Variants in YTHDF2 observed in about 807,000 individuals in gnomAD.
The protein encoded by YTHDF2 is YTH domain-containing family protein 2.
Under a neutral mutation model 50.4 loss-of-function variants are expected in YTHDF2, and 2 were observed. That is an observed-to-expected ratio of 0.04 (90% CI 0.02 to 0.12). The LOEUF (loss-of-function observed/expected upper bound fraction) is 0.12. YTHDF2 is among the 10% of genes least tolerant of loss of function. YTHDF2 has a pLI of 1.00. For synonymous variants in YTHDF2, 217 were observed against 255.6 expected (o/e 0.85, Z 1.44); for missense variants, 483 against 722.6 (o/e 0.67, Z 3.80).
chr1:28,754,536 A>T (rs2088007881), intron 4 of YTHDF2, among the ~76,000 whole-genome samples: 1 of 150,988 alleles, frequency 6.6e-6, no homozygotes. Context: ...TCTCAAAAAA[A>T]AAATTGGCCG....
At chr1:28,741,818 C>T in intron 3 of YTHDF2, among the ~76,000 whole-genome samples, 1 of 152,110 alleles carries the variant, frequency 6.6e-6, no homozygotes, top group East Asian at 1.9e-4. Context: ...TTTATTATCA[C>T]CTGGTTTGTA....
intron 4 of YTHDF2, among the ~76,000 whole-genome samples, chr1:28,748,261 A>G (rs1328373363): frequency 5.9e-5 from 9 of 152,174 alleles, no homozygotes; most frequent in Non-Finnish European, 1.5e-5. Flanking sequence ...ACATCTTTAC[A>G]TAACTGATTG....
Position 28,742,461 on chromosome 1 carries a change from T to C in YTHDF2, c.191T>C (p.Ile64Thr), listed in dbSNP as rs944926320. ...TTACCCAGTTACTACAGTCCCTCCA[T>C]TGGCTTCTCCTATTCTTTGGGTGAA... ...SYLPSYYSPS[I>T]GFSYSLGEAA... Residue 64 changes from isoleucine (I) to threonine (T), a missense_variant, in exon 4 of 5, where the codon ATT becomes ACT. Transcript: ENST00000373812. 1.9e-6 allele frequency: 3 copies of C among 1,611,346 alleles called. No homozygotes were observed. The highest frequency in any genetic ancestry group is 2.5e-6 in the Non-Finnish European group (3 of 1,178,880).
At chr1:28,756,167 C>T (rs547969437) in intron 4 of YTHDF2, among the ~76,000 whole-genome samples, 1 of 152,236 alleles carries the variant, frequency 6.6e-6, no homozygotes, top group East Asian at 1.9e-4. Flanking sequence ...TTATAAAGCT[C>T]TTTTGTTTGC....
chr1:28,750,757 A>T (rs1390830020), intron 4 of YTHDF2, among the ~76,000 whole-genome samples: 1 of 151,994 alleles, frequency 6.6e-6, no homozygotes, highest in African/African-American at 2.4e-5. Flanking sequence ...ATATATATAT[A>T]TTAATGAAAA....
intron 4 of YTHDF2, among the ~76,000 whole-genome samples, chr1:28,756,856 G>A (rs1016024048): frequency 5.3e-5 from 8 of 152,120 alleles, no homozygotes; most frequent in African/African-American, 1.9e-4. Flanking sequence ...AGTTCCTTAG[G>A]AGTTTATGCA....
intron 4 of YTHDF2, among the ~76,000 whole-genome samples, chr1:28,762,174 C>T (rs868270661): frequency 4.6e-5 from 7 of 152,076 alleles, no homozygotes; most frequent in South Asian, 2.1e-4. Flanking sequence ...GGGCGGATCA[C>T]GAGGTCAGGA....
chr1:28,759,470 G>A (rs1043360842), intron 4 of YTHDF2, among the ~76,000 whole-genome samples: 3 of 152,144 alleles, frequency 2.0e-5, no homozygotes, highest in Non-Finnish European at 4.4e-5. Flanking sequence ...ATTTTGTCCT[G>A]CAAACATAGT....
At chr1:28,744,880 G>T (rs1207049170) in intron 4 of YTHDF2, among the ~76,000 whole-genome samples, 2 of 152,064 alleles carry the variant, frequency 1.3e-5, no homozygotes, top group African/African-American at 4.8e-5. Flanking sequence ...TGTTGCCCAG[G>T]CTGGTCTTGA....
chr1:28,750,909 A>G (rs1305400504), intron 4 of YTHDF2, among the ~76,000 whole-genome samples: 1 of 151,830 alleles, frequency 6.6e-6, no homozygotes, highest in Non-Finnish European at 1.5e-5. Flanking sequence ...CCTGGGCAAC[A>G]TGGTGAAACC....
At chr1:28,738,505 C>T (rs1389112673) in intron 3 of YTHDF2, among the ~76,000 whole-genome samples, 167 bp downstream of exon 3, 2 of 152,028 alleles carry the variant, frequency 1.3e-5, no homozygotes, top group African/African-American at 2.4e-5. Context: ...GGTGTAGTGG[C>T]GCAATTTCGG....
intron 3 of YTHDF2, among the ~76,000 whole-genome samples, chr1:28,738,748 C>G (rs1048411112): frequency 4.6e-5 from 7 of 152,174 alleles, no homozygotes; most frequent in Non-Finnish European, 7.4e-5. Flanking sequence ...CGAGGATTCA[C>G]TTTCTTAATA....
At chr1:28,747,587 C>T (rs12037449) in intron 4 of YTHDF2, among the ~76,000 whole-genome samples, 49,410 of 135,564 alleles carry the variant, frequency 0.36, 10,547 homozygotes, top group East Asian at 0.77. Flanking sequence ...GAATCTCACT[C>T]TGTCGCCCAG....
At chr1:28,744,600 G>T (rs1463056228) in intron 4 of YTHDF2, among the ~76,000 whole-genome samples, 1 of 152,210 alleles carries the variant, frequency 6.6e-6, no homozygotes, top group South Asian at 2.1e-4. Context: ...TGAGTATTGA[G>T]TGAATGTAAA....
chr1:28,765,253 C>T (rs941473024), intron 4 of YTHDF2, among the ~76,000 whole-genome samples: 4 of 152,132 alleles, frequency 2.6e-5, no homozygotes, highest in African/African-American at 9.6e-5. Flanking sequence ...CCACCTGCCT[C>T]GGCCTCAAAG....
At chr1:28,764,228 G>C (rs1022223173) in intron 4 of YTHDF2, among the ~76,000 whole-genome samples, 139 of 151,772 alleles carry the variant, frequency 9.2e-4, no homozygotes, top group African/African-American at 3.2e-3. Context: ...TGGGATTACA[G>C]GCATGAGCCA....
In YTHDF2 at chr1:28,764,553, G is replaced by A. The variant is rs571778184; in HGVS notation, c.1717-4376G>A. ...CTCTCAAAGTGCTGGGATTACAGGC[G>A]TGAGCCATCGTGCCCGGCCCCAATT... is the stretch of plus-strand genomic sequence containing the variant. On this transcript the variant is annotated intron_variant, in intron 4 of 4. Transcript: ENST00000373812. Among the ~76,000 whole-genome samples the A allele has an allele frequency of 6.0e-5, 9 of 151,222 alleles. No homozygotes were observed. In the South Asian group the frequency reaches 1.7e-3, roughly 28 times the overall value.
chr1:28,763,871 GTTTT>G (rs58507391), intron 4 of YTHDF2, among the ~76,000 whole-genome samples: 2 of 142,494 alleles, frequency 1.4e-5, no homozygotes, highest in African/African-American at 5.1e-5. Flanking sequence ...ACCAACTTTT[GTTTT>G]TTTTTTTCCT....
chr1:28,741,386 C>T (rs2087774152), intron 3 of YTHDF2, among the ~76,000 whole-genome samples: 1 of 152,114 alleles, frequency 6.6e-6, no homozygotes, highest in Non-Finnish European at 1.5e-5. Flanking sequence ...CAACCTCGGC[C>T]TCTTGGATTC....
Sources: gnomAD v4.1 joint callset for allele counts (sites outside exome capture counted in the v4.1 genomes callset) on GRCh38, gnomAD v4.1.1 for gene constraint, MANE v1.5 for transcripts, NCBI Gene and HGNC (gene_info 2026-07-23, HGNC 2026-07-21) for gene names.